The following ZPBP variants were observed in gnomAD, a reference collection of about 807,000 sequenced individuals.
ZPBP encodes zona pellucida binding protein.
A neutral mutation model predicts 44.8 loss-of-function variants in ZPBP; 26 were observed. The ratio of observed to expected loss-of-function variants is 0.58; its 90% CI spans 0.43 to 0.81. The LOEUF is 0.81. Among genes scored for constraint, ZPBP ranks in the 30% least tolerant of loss-of-function variants. The pLI, the probability that ZPBP is intolerant of heterozygous loss-of-function variation, is 0.00. For synonymous variants in ZPBP, 174 were observed against 153.2 expected (o/e 1.14, Z -1.00); for missense variants, 409 against 434.0 (o/e 0.94, Z 0.51).
intron 2 of ZPBP, among the ~76,000 whole-genome samples, chr7:49,870,638 T>A (rs1478813381): frequency 1.3e-5 from 2 of 152,198 alleles, no homozygotes; most frequent in Non-Finnish European, 2.9e-5. Flanking sequence ...ATAGCTCACA[T>A]GTGCATCAGG....
intron 1 of ZPBP, among the ~76,000 whole-genome samples, chr7:49,905,233 G>A (rs1312164383): frequency 1.3e-5 from 2 of 152,150 alleles, no homozygotes; most frequent in Non-Finnish European, 1.5e-5. Flanking sequence ...GTTCTATGAT[G>A]TATTAGGAAA....
At chr7:49,858,510 A>G (rs1265831814) in intron 2 of ZPBP, among the ~76,000 whole-genome samples, 1 of 142,190 alleles carries the variant, frequency 7.0e-6, no homozygotes, top group African/African-American at 2.6e-5. Context: ...AACAATGACA[A>G]CACACGGACA....
At chr7:49,879,671 G>C (rs1179043129) in intron 2 of ZPBP, among the ~76,000 whole-genome samples, 1 of 152,030 alleles carries the variant, frequency 6.6e-6, no homozygotes, top group Admixed American at 6.6e-5. Context: ...CAGTTTTTGT[G>C]ATATTTAATC....
intron 2 of ZPBP, among the ~76,000 whole-genome samples, chr7:49,881,513 C>T (rs1338442130): frequency 6.6e-6 from 1 of 152,130 alleles, no homozygotes. Flanking sequence ...TTGACTGTGG[C>T]CTTACTTATT....
At chr7:49,954,777 G>A (rs1020979056) in intron 7 of ZPBP, among the ~76,000 whole-genome samples, 1 of 151,952 alleles carries the variant, frequency 6.6e-6, no homozygotes, top group Non-Finnish European at 1.5e-5. Context: ...TAATAGCTAG[G>A]AATTTCAAAC....
At chr7:49,973,771 T>G (rs1439403068) in intron 7 of ZPBP, among the ~76,000 whole-genome samples, 1 of 152,098 alleles carries the variant, frequency 6.6e-6, no homozygotes, top group African/African-American at 2.4e-5. Flanking sequence ...GTGGAAAAGT[T>G]TGACCTCTCA....
chr7:49,876,547 T>C (rs1414074213), intron 2 of ZPBP, among the ~76,000 whole-genome samples: 1 of 152,234 alleles, frequency 6.6e-6, no homozygotes, highest in East Asian at 1.9e-4. Context: ...ACATGATTCA[T>C]ATTTAATTTA....
In ZPBP at chr7:49,871,375, T is replaced by C. The variant is rs550186056; in HGVS notation, n.510-20861A>G. 4.6e-5 allele frequency among the ~76,000 whole-genome samples: 7 copies of C among 152,270 alleles called. No individual in the cohort carries two copies. The East Asian group carries it at 1.4e-3, about 29-fold the overall frequency. On this transcript the variant is annotated intron_variant and non_coding_transcript_variant, in intron 2 of 2. Coordinates refer to the ZPBP transcript ENST00000465922. Reference sequence around the variant, plus strand: ...CCCATGGTTTTCTTTATTATAACATTGCTTTTAATAAGAAAATATGAAATT... The same window carrying C: ...CCCATGGTTTTCTTTATTATAACATCGCTTTTAATAAGAAAATATGAAATT...
intron 3 of ZPBP, among the ~76,000 whole-genome samples, chr7:50,076,123 T>C (rs979275113): frequency 2.0e-5 from 3 of 151,804 alleles, no homozygotes; most frequent in African/African-American, 7.2e-5. Context: ...CAGCGTGATA[T>C]ATCATGTTAA....
intron 5 of ZPBP, among the ~76,000 whole-genome samples, chr7:50,019,089 A>G (rs780455921): frequency 5.3e-5 from 8 of 152,040 alleles, no homozygotes; most frequent in Admixed American, 6.6e-5. Flanking sequence ...GTAAAATAAC[A>G]TTTGAGGCCT....
intron 2 of ZPBP, among the ~76,000 whole-genome samples, chr7:49,863,964 T>C (rs1364764090): frequency 6.6e-6 from 1 of 152,238 alleles, no homozygotes; most frequent in East Asian, 1.9e-4. Context: ...ATTTTTTCTT[T>C]ATTTTGTTTT....
downstream of ZPBP, among the ~76,000 whole-genome samples, chr7:49,932,520 C>T (rs777637897): frequency 5.3e-5 from 8 of 152,220 alleles, no homozygotes; most frequent in African/African-American, 9.6e-5. Context: ...TAGGAATGGG[C>T]GTATTTACCC....
intron 4 of ZPBP, among the ~76,000 whole-genome samples, chr7:50,035,874 A>T (rs1378345851): frequency 6.6e-6 from 1 of 152,212 alleles, no homozygotes; most frequent in Non-Finnish European, 1.5e-5. Context: ...TAAAACAAAA[A>T]CAGGTGGATA....
intron 7 of ZPBP, among the ~76,000 whole-genome samples, chr7:49,981,317 TATAATATATA>T (rs1562819000): frequency 4.8e-5 from 3 of 62,526 alleles, no homozygotes; most frequent in East Asian, 5.8e-4. Flanking sequence ...TTATATATTA[TATAATATATA>T]TTATAATTAT....
At chr7:50,087,276 A>G (rs1174769419) in intron 2 of ZPBP, among the ~76,000 whole-genome samples, 2 of 152,064 alleles carry the variant, frequency 1.3e-5, no homozygotes, top group Non-Finnish European at 2.9e-5. Flanking sequence ...TCCTAAAAAC[A>G]CTAGCAACCA....
intron 4 of ZPBP, among the ~76,000 whole-genome samples, chr7:50,044,610 TAAAC>T (rs1305305973): frequency 2.0e-5 from 3 of 152,118 alleles, no homozygotes; most frequent in Non-Finnish European, 4.4e-5. Context: ...CTCCCAAGAC[TAAAC>T]CAGGAAGAAA....
At chr7:50,028,064 G>T (rs1227393737) in intron 5 of ZPBP, among the ~76,000 whole-genome samples, 4 of 151,306 alleles carry the variant, frequency 2.6e-5, no homozygotes, top group African/African-American at 9.7e-5. Flanking sequence ...ATATCATGAA[G>T]CTAGCATTAC....
intron 6 of ZPBP, among the ~76,000 whole-genome samples, chr7:50,006,444 T>C (rs1424481608): frequency 6.6e-6 from 1 of 152,076 alleles, no homozygotes; most frequent in Non-Finnish European, 1.5e-5. Context: ...CCGTTTCTAA[T>C]TTAATATGAT....
intron 2 of ZPBP, among the ~76,000 whole-genome samples, chr7:49,873,697 T>A (rs1791275932): frequency 6.6e-6 from 1 of 152,204 alleles, no homozygotes; most frequent in Admixed American, 6.5e-5. Context: ...GATAAAGAGA[T>A]GCTCTCATGC....
Sources: gnomAD v4.1 joint callset for allele counts (sites outside exome capture counted in the v4.1 genomes callset) on GRCh38, gnomAD v4.1.1 for gene constraint, MANE v1.5 for transcripts, NCBI Gene and HGNC (gene_info 2026-07-23, HGNC 2026-07-21) for gene names.